The following METAP1 variants were observed in gnomAD, a reference collection of about 807,000 sequenced individuals.
METAP1 encodes the protein methionine aminopeptidase 1.
In METAP1, 28 loss-of-function variants were observed where a neutral mutation model predicts 53.8. That is an observed-to-expected ratio of 0.52 (90% CI 0.39 to 0.71). The LOEUF (loss-of-function observed/expected upper bound fraction) is 0.71, where lower values mean the gene tolerates loss of function less well. METAP1 is among the 30% of genes least tolerant of loss of function. The probability of loss-of-function intolerance (pLI) is 0.00; values close to 1 mark genes in which losing one functional copy is unlikely to be tolerated. For missense variants in METAP1, 389 were observed against 479.8 expected, an observed-to-expected ratio of 0.81 and a Z score of 1.77; for synonymous variants, 181 against 165.7, an observed-to-expected ratio of 1.09 and a Z score of -0.71.
At chr4:99,039,213 A>G (rs1362131403) in intron 4 of METAP1, 161 bp from the exon 5 acceptor site, 19 of 456,476 alleles carry the variant, frequency 4.2e-5, no homozygotes, top group African/African-American at 2.0e-5. Context: ...GATGTTGAAA[A>G]TGTTTTTTTT....
At chr4:99,038,144 A>G (rs1179401576) in intron 4 of METAP1, among the ~76,000 whole-genome samples, 3 of 152,044 alleles carry the variant, frequency 2.0e-5, no homozygotes, top group Non-Finnish European at 2.9e-5. Flanking sequence ...ATCTTAAACA[A>G]TATGCCAACT....
intron 1 of METAP1, chr4:99,026,664 C>T: frequency 1.0e-6 from 1 of 985,294 alleles, no homozygotes; most frequent in Non-Finnish European, 1.2e-6. Context: ...GATAGTCTTT[C>T]AGGATTTTGA....
intron 4 of METAP1, among the ~76,000 whole-genome samples, chr4:99,038,240 G>A (rs1490623931): frequency 2.6e-5 from 4 of 151,998 alleles, no homozygotes; most frequent in Non-Finnish European, 5.9e-5. Context: ...TAAGAATTTT[G>A]TCCTTTCTTT....
intron 1 of METAP1, among the ~76,000 whole-genome samples, chr4:99,004,486 C>CACAT (rs1553940008): frequency 1.8e-3 from 45 of 25,022 alleles, no homozygotes; most frequent in African/African-American, 4.2e-3. Context: ...CACACACATA[C>CACAT]ACACACACAC....
intron 1 of METAP1, among the ~76,000 whole-genome samples, chr4:99,000,172 G>A (rs1173780669): frequency 6.6e-6 from 1 of 152,138 alleles, no homozygotes; most frequent in South Asian, 2.1e-4. Context: ...TCATTTATTT[G>A]CTTATGGTTG....
At chr4:98,999,002 G>A (rs1016336444) in intron 1 of METAP1, among the ~76,000 whole-genome samples, 2 of 152,060 alleles carry the variant, frequency 1.3e-5, no homozygotes, top group African/African-American at 4.8e-5. Flanking sequence ...CAGAGATGGG[G>A]TTTCTCCATG....
chr4:99,045,872 T>C (rs1726193875), intron 8 of METAP1, among the ~76,000 whole-genome samples: 1 of 152,230 alleles, frequency 6.6e-6, no homozygotes, highest in South Asian at 2.1e-4. Context: ...ATCATAGAGA[T>C]CTTTTCAAGT....
intron 2 of METAP1, among the ~76,000 whole-genome samples, chr4:99,030,176 G>T (rs1724901138): frequency 6.6e-6 from 1 of 152,138 alleles, no homozygotes; most frequent in African/African-American, 2.4e-5. Context: ...AGTAATAAAG[G>T]GTTGAGGTTA....
chr4:99,037,972 T>G (rs1725555468), intron 4 of METAP1: 1 of 151,984 alleles, frequency 6.6e-6, no homozygotes, highest in African/African-American at 2.4e-5. Flanking sequence ...TTGACTCCTT[T>G]TATGTCTTTC....
At chr4:99,031,499 G>A in intron 2 of METAP1, 1 of 1,287,254 alleles carries the variant, frequency 7.8e-7, no homozygotes, top group Non-Finnish European at 1.0e-6. Context: ...CCTGATTTTT[G>A]GATTACAGAG....
intron 5 of METAP1, among the ~76,000 whole-genome samples, chr4:99,040,020 C>A (rs1725744214): frequency 6.6e-6 from 1 of 152,160 alleles, no homozygotes; most frequent in East Asian, 1.9e-4. Flanking sequence ...AGCCATTGTG[C>A]CCGGTTTAGC....
Position 99,034,348 on chromosome 4 carries a change from T to C in METAP1, c.279+6T>C. The C allele has an allele frequency of 7.0e-7, 1 of 1,421,832 alleles. No individual in the cohort carries two copies. Among genetic ancestry groups the C allele is most frequent in the Non-Finnish European group, 9.7e-7 (1 of 1,031,348 alleles). The allele number at this position is 1,421,832 out of a possible 1,614,324, so 88.1% of individuals were successfully genotyped here. ...TCAGACCACATTATCCACTGGTGAG[T>C]AAATAAGGTAATAAAAACAACATTC... is the stretch of plus-strand genomic sequence containing the variant. On this transcript the variant is annotated splice_donor_region_variant and intron_variant, in intron 3 of 10. Transcript: ENST00000296411.
intron 9 of METAP1, among the ~76,000 whole-genome samples, chr4:99,056,793 TCTC>T (rs1213156285): frequency 6.6e-6 from 1 of 151,676 alleles, no homozygotes; most frequent in African/African-American, 2.4e-5. Context: ...ATGGTCTCGA[TCTC>T]CTGACCTCGT....
At chr4:99,022,702 A>T in intron 1 of METAP1, 1 of 1,471,756 alleles carries the variant, frequency 6.8e-7, no homozygotes, top group Non-Finnish European at 9.4e-7. Flanking sequence ...AGTACTTGAG[A>T]TTCCATAGGT....
intron 2 of METAP1, among the ~76,000 whole-genome samples, chr4:99,032,111 G>T (rs1320489827): frequency 1.3e-5 from 2 of 151,918 alleles, no homozygotes; most frequent in African/African-American, 4.8e-5. Context: ...TGAATTTTCC[G>T]TTAAGTAAAT....
intron 1 of METAP1, among the ~76,000 whole-genome samples, chr4:99,008,978 C>T (rs1472545848): frequency 3.3e-5 from 5 of 152,120 alleles, no homozygotes; most frequent in African/African-American, 1.2e-4. Context: ...AAACAGATCT[C>T]TAGAACGTTT....
At chr4:99,022,743 C>T in intron 1 of METAP1, 1 of 1,596,930 alleles carries the variant, frequency 6.3e-7, no homozygotes, top group Non-Finnish European at 8.6e-7. Context: ...CTGTGGGTAC[C>T]CATAGGCGTG....
chr4:99,028,803 T>C (rs1480676672), intron 1 of METAP1, 64 bp from the exon 2 acceptor site: 1 of 1,206,726 alleles, frequency 8.3e-7, no homozygotes, highest in Non-Finnish European at 1.2e-6. Flanking sequence ...TTATATACAA[T>C]ATTCCTTAAA....
At chr4:99,040,210 CAG>C (rs1487096713) in intron 5 of METAP1, among the ~76,000 whole-genome samples, 1 of 151,996 alleles carries the variant, frequency 6.6e-6, no homozygotes, top group African/African-American at 2.4e-5. Context: ...TAACATAGGA[CAG>C]AGTTTAAGGC....
Sources: allele counts gnomAD v4.1 joint callset (sites outside exome capture counted in the v4.1 genomes callset), GRCh38; gene constraint gnomAD v4.1.1; transcripts MANE v1.5; gene names NCBI Gene and HGNC (gene_info 2026-07-23, HGNC 2026-07-21).